Variants in THADA observed in about 807,000 individuals in gnomAD.
The protein encoded by THADA is THADA armadillo repeat containing.
Under a neutral mutation model 219.8 loss-of-function variants are expected in THADA, and 213 were observed. The observed-to-expected ratio is 0.97, with a 90% CI of 0.87 to 1.09. The LOEUF (loss-of-function observed/expected upper bound fraction) is 1.09, where lower values mean the gene tolerates loss of function less well. THADA is among the 50% of genes least tolerant of loss of function. THADA has a pLI of 0.00. For missense variants in THADA, 2,956 were observed against 2,311.3 expected, an observed-to-expected ratio of 1.28 and a Z score of -5.72; for synonymous variants, 1,018 against 828.9, an observed-to-expected ratio of 1.23 and a Z score of -3.92.
At chr2:43,430,380 G>A (rs1679082637) in intron 26 of THADA, 78 bp from the exon 27 acceptor site, 1 of 739,338 alleles carries the variant, frequency 1.4e-6, no homozygotes, top group Non-Finnish European at 2.2e-6. Context: ...TTAAAAAAAG[G>A]AAGATAAGTA....
chr2:43,533,218 T>C (rs1694116531), intron 21 of THADA, among the ~76,000 whole-genome samples: 1 of 152,110 alleles, frequency 6.6e-6, no homozygotes. Context: ...AGAATGGTAA[T>C]CATTAAAAAG....
At chr2:43,556,580 A>C in intron 16 of THADA, 25 bp from the exon 17 acceptor site, 1 of 1,591,338 alleles carries the variant, frequency 6.3e-7, no homozygotes, top group Non-Finnish European at 8.6e-7. Context: ...AGACTCAGTA[A>C]CTGTCAAATT....
intron 31 of THADA, among the ~76,000 whole-genome samples, chr2:43,297,889 C>T: frequency 8.9e-6 from 1 of 111,924 alleles, no homozygotes; most frequent in Non-Finnish European, 1.8e-5. Flanking sequence ...CTCTGCCCGG[C>T]CGCCCCTACT....
chr2:43,520,713 T>TATATATACACACACACAC (rs1218079783), intron 22 of THADA, among the ~76,000 whole-genome samples: 26 of 125,116 alleles, frequency 2.1e-4, no homozygotes, highest in African/African-American at 7.4e-4. Flanking sequence ...TATATATATA[T>TATATATACACACACACAC]ACACACACAC....
intron 29 of THADA, among the ~76,000 whole-genome samples, chr2:43,347,758 A>G (rs547467777): frequency 1.1e-4 from 17 of 152,276 alleles, no homozygotes; most frequent in South Asian, 4.2e-4. Context: ...TATTGGTACT[A>G]CTCAGGGGAC....
At chr2:43,452,531 G>C (rs779243048) in intron 26 of THADA, among the ~76,000 whole-genome samples, 22 of 152,146 alleles carry the variant, frequency 1.4e-4, no homozygotes, top group South Asian at 4.2e-4. Context: ...AACTACTGCT[G>C]TGCCAGGCAT....
intron 25 of THADA, among the ~76,000 whole-genome samples, chr2:43,487,709 G>C (rs183331983): frequency 1.1e-4 from 16 of 152,240 alleles, no homozygotes; most frequent in Admixed American, 2.6e-4. Flanking sequence ...TTATAAAAGA[G>C]GCCCCAGTGA....
At chr2:43,435,431 C>T (rs1022502318) in intron 26 of THADA, among the ~76,000 whole-genome samples, 2 of 150,442 alleles carry the variant, frequency 1.3e-5, no homozygotes, top group Non-Finnish European at 3.0e-5. Flanking sequence ...TGCATTCCAA[C>T]CTGGGCAACA....
chr2:43,565,029 T>C (rs1257901947), intron 15 of THADA: 4 of 152,210 alleles, frequency 2.6e-5, no homozygotes, highest in African/African-American at 9.7e-5. Context: ...TAAATATGGA[T>C]TGCGTATTCA....
intron 36 of THADA, among the ~76,000 whole-genome samples, chr2:43,262,519 A>G (rs1671074640): frequency 1.3e-5 from 2 of 152,190 alleles, no homozygotes; most frequent in South Asian, 4.1e-4. Flanking sequence ...AGAGAGAAAA[A>G]AACTTCCACT....
At chr2:43,314,263 T>C (rs1677827823) in intron 31 of THADA, among the ~76,000 whole-genome samples, 1 of 152,178 alleles carries the variant, frequency 6.6e-6, no homozygotes, top group African/African-American at 2.4e-5. Flanking sequence ...ATCAATCCTC[T>C]TCATGAGTCA....
chr2:43,514,324 G>C (rs1473417737), intron 22 of THADA, among the ~76,000 whole-genome samples: 1 of 150,346 alleles, frequency 6.7e-6, no homozygotes. Flanking sequence ...GGTGGCACTT[G>C]CCTGTAGTCT....
At chr2:43,548,526 T>A (rs935724454) in intron 20 of THADA, among the ~76,000 whole-genome samples, 1 of 152,184 alleles carries the variant, frequency 6.6e-6, no homozygotes, top group African/African-American at 2.4e-5. Context: ...TCCACCCAGT[T>A]CGAGCTTCCT....
rs144824341 is a variant in THADA at position 43,241,103 on chromosome 2, T to C, written c.5297-8221A>G. On this transcript the variant is annotated intron_variant, in intron 36 of 37. Transcript: ENST00000405975. ...CCCCTCTTCCTTTTTTTTATGTTTATTTTTTTGAGACAGGGTCTCACTCTG... is the reference window on the plus strand; with the variant it reads ...CCCCTCTTCCTTTTTTTTATGTTTACTTTTTTGAGACAGGGTCTCACTCTG... Among the ~76,000 whole-genome samples the C allele has an allele frequency of 7.0e-4, 106 of 152,192 alleles. 3 individuals are homozygous for C. Among genetic ancestry groups the C allele is most frequent in the African/African-American group, 2.5e-3 (104 of 41,522 alleles).
rs558847636 is a variant in THADA at position 43,547,815 on chromosome 2, C to T, written c.3106+1395G>A. On this transcript the variant is annotated intron_variant, in intron 20 of 37. Transcript: ENST00000405975. ...CTTCTTTGCCTTTGGTTTTAATTTC[C>T]TCCTGTAGCTTGGAGTAGTTTGATC... is the stretch of plus-strand genomic sequence containing the variant. 3.1e-3 allele frequency among the ~76,000 whole-genome samples: 468 copies of T among 152,260 alleles called. 2 individuals carry two copies. Among genetic ancestry groups the T allele is most frequent in the African/African-American group, 0.011 (447 of 41,538 alleles).
rs1675460340 is a variant in THADA, at chr2:43,296,878, C to A, written c.4439-3665G>T. 2.6e-5 allele frequency among the ~76,000 whole-genome samples: 4 copies of A among 151,460 alleles called. No individual in the cohort carries two copies. In the South Asian group the frequency reaches 8.3e-4, roughly 32 times the overall value. Reference sequence around the variant, plus strand: ...GGCAGCGGCTGGAGGAGCGGACGGGCCCCGCGGGGCCCGAGGGCAAGGAGC... The same window carrying A: ...GGCAGCGGCTGGAGGAGCGGACGGGACCCGCGGGGCCCGAGGGCAAGGAGC... On this transcript the variant is annotated intron_variant, in intron 31 of 37. Coordinates refer to ENST00000405975, the MANE Select transcript of THADA (RefSeq NM_022065.5).
chr2:43,285,798 G>A (rs1001731839), intron 35 of THADA, among the ~76,000 whole-genome samples: 9 of 152,016 alleles, frequency 5.9e-5, no homozygotes, highest in Admixed American at 1.3e-4. Flanking sequence ...TGATCCACCC[G>A]CCTCAGCCTC....
intron 36 of THADA, among the ~76,000 whole-genome samples, chr2:43,262,771 C>T (rs1311339118): frequency 6.6e-6 from 1 of 152,192 alleles, no homozygotes; most frequent in East Asian, 1.9e-4. Context: ...CAAGTATGAT[C>T]CCCTGATCAG....
At chr2:43,330,274 AGCTTGCGTGGGAAGGT>A (rs1679812010) in intron 30 of THADA, among the ~76,000 whole-genome samples, 1 of 152,134 alleles carries the variant, frequency 6.6e-6, no homozygotes, top group Non-Finnish European at 1.5e-5. Flanking sequence ...TGAGCCCCTG[AGCTTGCGTGGGAAGGT>A]GTTATTCCCA....
Sources: allele counts gnomAD v4.1 joint callset (sites outside exome capture counted in the v4.1 genomes callset), GRCh38; gene constraint gnomAD v4.1.1; transcripts MANE v1.5; gene names NCBI Gene and HGNC (gene_info 2026-07-23, HGNC 2026-07-21).